TRAP1: variants seen among roughly 807,000 people sequenced by gnomAD.
The protein encoded by TRAP1 is TNF receptor associated protein 1.
TRAP1 carries 102 observed loss-of-function variants against 89.1 expected under a neutral mutation model. The observed-to-expected ratio is 1.15, with a 90% CI of 0.98 to 1.35. TRAP1 has a LOEUF of 1.35. Ranked by LOEUF, TRAP1 falls within the 40% of genes most tolerant of loss-of-function variation. TRAP1 has a pLI of 0.00. For missense variants in TRAP1, 1,256 were observed against 945.3 expected, an observed-to-expected ratio of 1.33 and a Z score of -4.31; for synonymous variants, 508 against 388.0, an observed-to-expected ratio of 1.31 and a Z score of -3.64.
chr16:3,675,508 G>A (rs2050977975), intron 7 of TRAP1, 111 bp from the exon 8 acceptor site: 2 of 991,400 alleles, frequency 2.0e-6, no homozygotes, highest in Admixed American at 2.0e-5. Context: ...CCTCCATGCT[G>A]TGTACACTTC....
intron 1 of TRAP1, among the ~76,000 whole-genome samples, chr16:3,696,481 C>T (rs1397024825): frequency 3.3e-5 from 5 of 152,172 alleles, no homozygotes; most frequent in Non-Finnish European, 7.3e-5. Context: ...AGCAGAATTC[C>T]AATGAATAAA....
At chr16:3,661,872 CAT>C (rs2043095810) in intron 16 of TRAP1, 113 bp downstream of exon 16, 7 of 1,338,340 alleles carry the variant, frequency 5.2e-6, no homozygotes, top group Non-Finnish European at 6.9e-6. Flanking sequence ...TAGTTACCCA[CAT>C]GTCCACAGGC....
intron 2 of TRAP1, among the ~76,000 whole-genome samples, chr16:3,689,994 A>G (rs2051191765): frequency 6.6e-6 from 1 of 152,036 alleles, no homozygotes. Context: ...TGCCTCTAAG[A>G]ACCAGATTAT....
chr16:3,708,936 T>C (rs1398949621), intron 1 of TRAP1, among the ~76,000 whole-genome samples: 1 of 150,922 alleles, frequency 6.6e-6, no homozygotes, highest in Non-Finnish European at 1.5e-5. Context: ...CTGCCTCAGC[T>C]TCCCAAGTAG....
intron 11 of TRAP1, among the ~76,000 whole-genome samples, chr16:3,670,770 C>A (rs1265442057): frequency 6.6e-6 from 1 of 152,196 alleles, no homozygotes; most frequent in African/African-American, 2.4e-5. Context: ...GGCTTTCTGC[C>A]TCTGAAGGTG....
At chr16:3,675,897 T>A in intron 7 of TRAP1, 139 bp downstream of exon 7, 1 of 717,160 alleles carries the variant, frequency 1.4e-6, no homozygotes, top group East Asian at 2.8e-5. Flanking sequence ...CCCCTCCCAG[T>A]CCCGCAGCGG....
chr16:3,705,590 T>C (rs2051431688), intron 1 of TRAP1, among the ~76,000 whole-genome samples: 2 of 152,198 alleles, frequency 1.3e-5, no homozygotes, highest in East Asian at 1.9e-4. Flanking sequence ...ACATATAGCA[T>C]GTATCAGCAC....
chr16:3,663,286 G>A (rs2050730865), intron 14 of TRAP1, 138 bp downstream of exon 14: 4 of 1,115,920 alleles, frequency 3.6e-6, no homozygotes, highest in South Asian at 3.1e-5. Context: ...TCACCAGGGT[G>A]CTCCCACAAG....
intron 1 of TRAP1, among the ~76,000 whole-genome samples, chr16:3,711,815 G>C (rs1567248861): frequency 1.3e-5 from 2 of 152,282 alleles, no homozygotes; most frequent in Admixed American, 1.3e-4. Flanking sequence ...TGTGGACTAA[G>C]AGCAGCTTCC....
chr16:3,677,799 C>T, intron 5 of TRAP1, 141 bp from the exon 6 acceptor site: 2 of 958,004 alleles, frequency 2.1e-6, no homozygotes, highest in Non-Finnish European at 3.0e-6. Flanking sequence ...CCCCATTCTA[C>T]ACGTGAAGAG....
intron 11 of TRAP1, among the ~76,000 whole-genome samples, chr16:3,670,799 G>A (rs968006071): frequency 6.6e-5 from 10 of 152,164 alleles, no homozygotes; most frequent in East Asian, 3.9e-4. Flanking sequence ...GGATATCACC[G>A]GCAGGCCATG....
intron 13 of TRAP1, 91 bp downstream of exon 13, chr16:3,664,183 T>C: frequency 7.4e-7 from 1 of 1,355,312 alleles, no homozygotes; most frequent in Non-Finnish European, 9.7e-7. Flanking sequence ...GCCCGGAGTC[T>C]TGGGCAGGTT....
At chr16:3,660,957 G>A (rs930436848) in intron 16 of TRAP1, 21 of 151,932 alleles carry the variant, frequency 1.4e-4, no homozygotes, top group Admixed American at 5.9e-4. Context: ...TACATTGTGG[G>A]GGGGGTGGTA....
intron 4 of TRAP1, among the ~76,000 whole-genome samples, chr16:3,685,576 G>T (rs909145588): frequency 3.9e-5 from 6 of 152,004 alleles, no homozygotes; most frequent in Admixed American, 6.6e-5. Context: ...ATCCTCTTTG[G>T]CCTAACTTTT....
intron 12 of TRAP1, chr16:3,664,722 G>A (rs983611339): frequency 3.0e-5 from 13 of 431,618 alleles, no homozygotes; most frequent in South Asian, 8.8e-5. Flanking sequence ...CGCGCACCAC[G>A]CCCTGGGAGG....
At chr16:3,696,319 A>T (rs1176903675) in intron 1 of TRAP1, among the ~76,000 whole-genome samples, 2 of 152,222 alleles carry the variant, frequency 1.3e-5, no homozygotes, top group Non-Finnish European at 2.9e-5. Flanking sequence ...GAGAACACAC[A>T]GCCCAGCCAG....
intron 16 of TRAP1, 41 bp from the exon 17 acceptor site, chr16:3,658,906 C>G (rs376595103): frequency 1.9e-6 from 3 of 1,593,574 alleles, no homozygotes; most frequent in Non-Finnish European, 1.7e-6. Flanking sequence ...CTCAGTACCA[C>G]GTGCTGTGAC....
chr16:3,716,249 G>C (rs1270551682), intron 1 of TRAP1, among the ~76,000 whole-genome samples: 1 of 152,228 alleles, frequency 6.6e-6, no homozygotes, highest in East Asian at 1.9e-4. Context: ...GCCTGCTAAA[G>C]GGGATATAAA....
At chr16:3,707,217 G>A (rs529837943) in intron 1 of TRAP1, among the ~76,000 whole-genome samples, 108 of 135,512 alleles carry the variant, frequency 8.0e-4, no homozygotes, top group Admixed American at 2.3e-3. Context: ...GCGGAGTCTC[G>A]CTCTGTCGCC....
Sources: gnomAD v4.1 joint callset for allele counts (sites outside exome capture counted in the v4.1 genomes callset) on GRCh38, gnomAD v4.1.1 for gene constraint, MANE v1.5 for transcripts, NCBI Gene and HGNC (gene_info 2026-07-23, HGNC 2026-07-21) for gene names.